The following MCTP1 variants were observed in gnomAD, a reference collection of about 807,000 sequenced individuals.
MCTP1 encodes multiple C2 and transmembrane domain containing 1.
MCTP1 carries 69 observed loss-of-function variants against 120.6 expected under a neutral mutation model. That is an observed-to-expected ratio of 0.57 (90% CI 0.47 to 0.70). The LOEUF (loss-of-function observed/expected upper bound fraction) is 0.70. Ranked by LOEUF, MCTP1 falls within the 30% of genes least tolerant of loss-of-function variation. The pLI is 0.00. For synonymous variants in MCTP1, 529 were observed against 493.1 expected (o/e 1.07, Z -0.96); for missense variants, 1,203 against 1,248.8 (o/e 0.96, Z 0.55).
At chr5:95,257,012 A>G (rs1241243789) in intron 1 of MCTP1, among the ~76,000 whole-genome samples, 1 of 152,218 alleles carries the variant, frequency 6.6e-6, no homozygotes, top group Non-Finnish European at 1.5e-5. Context: ...AATTAGAGAA[A>G]CTATTAAATA....
chr5:94,900,833 T>A (rs1805317835), intron 10 of MCTP1, among the ~76,000 whole-genome samples: 1 of 152,270 alleles, frequency 6.6e-6, no homozygotes, highest in African/African-American at 2.4e-5. Flanking sequence ...TGGAAATTTT[T>A]AAAAAAATGC....
chr5:94,809,169 T>C (rs1174098632), intron 17 of MCTP1, among the ~76,000 whole-genome samples: 2 of 152,014 alleles, frequency 1.3e-5, no homozygotes, highest in Admixed American at 6.6e-5. Flanking sequence ...CATAGCATAA[T>C]GCACACTACT....
At position 95,284,616 on chromosome 5, in the gene MCTP1, C is replaced by G. The variant is rs1477183906; in HGVS notation, c.-41G>C. ...CCTCCTCTCCCCTCCTCCTCCTCCT[C>G]CTCCTCCTGCTTCTCCTCCCTCTTC... On this transcript the variant is annotated 5_prime_UTR_variant, in exon 1 of 23. Coordinates refer to ENST00000515393, the MANE Select transcript of MCTP1 (RefSeq NM_024717.7). The surrounding 1 kb of genome is among the most constrained non-coding windows in gnomAD (Gnocchi z 5.2). 8.1e-6 allele frequency: 11 copies of G among 1,353,318 alleles called. No individual in the cohort carries two copies. Among genetic ancestry groups the G allele is most frequent in the Admixed American group, 7.1e-5 (2 of 28,278 alleles). 83.8% of individuals were successfully genotyped at this position (1,353,318 alleles called of 1,614,324 possible). A position where few individuals can be genotyped will look rare whatever the true frequency, so the allele number is the denominator to read the frequency against.
intron 20 of MCTP1, among the ~76,000 whole-genome samples, chr5:94,711,948 CTG>C (rs1165363260): frequency 2.0e-5 from 3 of 152,066 alleles, no homozygotes; most frequent in Non-Finnish European, 2.9e-5. Context: ...AATAGAAACA[CTG>C]TGTAGAGCCT....
intron 19 of MCTP1, among the ~76,000 whole-genome samples, chr5:94,777,075 T>TA (rs1775526443): frequency 6.6e-6 from 1 of 152,174 alleles, no homozygotes; most frequent in Non-Finnish European, 1.5e-5. Flanking sequence ...CCTCCTTTTT[T>TA]ATCGCTCAAA....
At chr5:94,753,017 T>C (rs1259719404) in intron 19 of MCTP1, among the ~76,000 whole-genome samples, 1 of 152,218 alleles carries the variant, frequency 6.6e-6, no homozygotes, top group Non-Finnish European at 1.5e-5. Flanking sequence ...GAGGGCTATA[T>C]AAACCATAAA....
At chr5:95,068,124 C>T (rs923450135) in intron 1 of MCTP1, among the ~76,000 whole-genome samples, 7 of 152,096 alleles carry the variant, frequency 4.6e-5, no homozygotes, top group Non-Finnish European at 1.0e-4. Flanking sequence ...TTATCATTAT[C>T]CTATTTAAAT....
At chr5:95,148,159 C>T (rs918668451) in intron 1 of MCTP1, among the ~76,000 whole-genome samples, 5 of 152,138 alleles carry the variant, frequency 3.3e-5, no homozygotes, top group African/African-American at 7.2e-5. Flanking sequence ...CATTGGTGAA[C>T]CTGATGACTA....
chr5:94,729,779 G>C (rs1266228694), intron 19 of MCTP1, among the ~76,000 whole-genome samples: 2 of 152,208 alleles, frequency 1.3e-5, no homozygotes, highest in Non-Finnish European at 2.9e-5. Context: ...CAGGATGACA[G>C]AGAAATAGTG....
chr5:94,974,810 C>T (rs886783326), intron 2 of MCTP1, among the ~76,000 whole-genome samples: 1 of 151,946 alleles, frequency 6.6e-6, no homozygotes, highest in Non-Finnish European at 1.5e-5. Context: ...CAAATAGTTG[C>T]ACGACTTTTG....
chr5:95,123,989 T>A (rs1042878526), intron 1 of MCTP1, among the ~76,000 whole-genome samples: 1 of 152,200 alleles, frequency 6.6e-6, no homozygotes, highest in Admixed American at 6.5e-5. Flanking sequence ...TGTATCAATG[T>A]ACAAATAAGG....
At position 94,703,817 on chromosome 5, in the gene MCTP1, T is replaced by C. The variant is rs1753961094; in HGVS notation, c.*3679A>G. On this transcript the variant is annotated 3_prime_UTR_variant, in exon 23 of 23. Transcript: ENST00000515393. ...TGCTCTTAGTTTCTACATTGTATGA[T>C]TGCTTTGGACATTTGATAGTTTTTA... is the stretch of plus-strand genomic sequence containing the variant. 6.6e-6 allele frequency: 1 copy of C among 151,370 alleles called. No individual in the cohort carries two copies. Among genetic ancestry groups the C allele is most frequent in the African/African-American group, 2.4e-5 (1 of 41,320 alleles). The allele number at this position is 151,370 out of a possible 1,614,324, so 9.4% of individuals were successfully genotyped here.
At chr5:95,268,543 T>C (rs1759095207) in intron 1 of MCTP1, among the ~76,000 whole-genome samples, 2 of 152,220 alleles carry the variant, frequency 1.3e-5, no homozygotes, top group African/African-American at 4.8e-5. Context: ...GAGGTTTGCA[T>C]AGCTTCAGTA....
chr5:95,258,263 G>A (rs934366015), intron 1 of MCTP1, among the ~76,000 whole-genome samples: 5 of 152,138 alleles, frequency 3.3e-5, no homozygotes, highest in Admixed American at 1.3e-4. Flanking sequence ...TTGATAGTAC[G>A]TACCCTCAAT....
chr5:95,269,685 A>T (rs1562291797), intron 1 of MCTP1, among the ~76,000 whole-genome samples: 1 of 152,242 alleles, frequency 6.6e-6, no homozygotes, highest in African/African-American at 2.4e-5. Context: ...ATGTGGCCTC[A>T]CTAATGGTGA....
intron 1 of MCTP1, among the ~76,000 whole-genome samples, chr5:95,271,928 T>C (rs1331950135): frequency 6.6e-6 from 1 of 152,184 alleles, no homozygotes; most frequent in African/African-American, 2.4e-5. Flanking sequence ...TTTTCTCTTT[T>C]GCTGAACTAG....
chr5:94,743,676 C>A (rs1465072058), intron 19 of MCTP1, among the ~76,000 whole-genome samples: 1 of 145,086 alleles, frequency 6.9e-6, no homozygotes, highest in Non-Finnish European at 1.5e-5. Context: ...CTCCCTCTGT[C>A]GCCCAGGCTC....
Position 94,704,927 on chromosome 5 carries a change from T to C in MCTP1, c.*2569A>G, listed in dbSNP as rs1333052137. The stretch of plus-strand genomic sequence containing the variant: ...CCAGAATGAATGAGAAGTACTATTA[T>C]GTTCTTTTTGATAAGTGGGGAAAAA... On this transcript the variant is annotated 3_prime_UTR_variant, in exon 23 of 23. Transcript: ENST00000515393. 6.6e-6 allele frequency: 1 copy of C among 151,268 alleles called. No homozygotes were observed. The highest frequency in any genetic ancestry group is 1.5e-5 in the Non-Finnish European group (1 of 67,546). The allele number at this position is 151,268 out of a possible 1,614,324, so 9.4% of individuals were successfully genotyped here. A position where few individuals can be genotyped will look rare whatever the true frequency, so the allele number is the denominator to read the frequency against.
At chr5:95,233,316 A>G (rs1220573719) in intron 1 of MCTP1, among the ~76,000 whole-genome samples, 1 of 151,744 alleles carries the variant, frequency 6.6e-6, no homozygotes, top group African/African-American at 2.4e-5. Context: ...TTAGAAACTA[A>G]ATGGCATACT....
Sources: allele counts gnomAD v4.1 joint callset (sites outside exome capture counted in the v4.1 genomes callset), GRCh38; gene constraint gnomAD v4.1.1; non-coding constraint Gnocchi (gnomAD v3.1); transcripts MANE v1.5; gene names NCBI Gene and HGNC (gene_info 2026-07-23, HGNC 2026-07-21).